The following BAIAP2L2 variants were observed in gnomAD, a reference collection of about 807,000 sequenced individuals.
BAIAP2L2 encodes BAR/IMD domain-containing adapter protein 2-like 2.
Under a neutral mutation model 60.4 loss-of-function variants are expected in BAIAP2L2, and 65 were observed. That is an observed-to-expected ratio of 1.08 (90% CI 0.88 to 1.32). The LOEUF (loss-of-function observed/expected upper bound fraction) is 1.32. BAIAP2L2 is among the 40% of genes most tolerant of loss of function. The pLI, the probability that BAIAP2L2 is intolerant of heterozygous loss-of-function variation, is 0.00. For missense variants in BAIAP2L2, 836 were observed against 741.2 expected (o/e 1.13, Z -1.48); for synonymous variants, 344 against 301.7 (o/e 1.14, Z -1.45).
intron 3 of BAIAP2L2, 44 bp from the exon 4 acceptor site, chr22:38,107,957 G>GCCCCCCCC: frequency 3.2e-6 from 5 of 1,582,154 alleles, no homozygotes; most frequent in Admixed American, 1.7e-5. Context: ...GTGGCAGCCT[G>GCCCCCCCC]CCCCGCCCAC....
intron 6 of BAIAP2L2, 101 bp from the exon 7 acceptor site, chr22:38,097,279 C>T: frequency 7.3e-7 from 1 of 1,362,816 alleles, no homozygotes; most frequent in Non-Finnish European, 1.0e-6. Context: ...TTCTTCCTGA[C>T]TGCCCTCTCC....
chr22:38,107,534 T>G (rs957275773), intron 4 of BAIAP2L2, among the ~76,000 whole-genome samples: 1 of 152,124 alleles, frequency 6.6e-6, no homozygotes, highest in Non-Finnish European at 1.5e-5. Context: ...CCTGGGAGGC[T>G]GCAGTGAGGA....
intron 1 of BAIAP2L2, 118 bp from the exon 2 acceptor site, chr22:38,109,326 C>T: frequency 1.2e-6 from 1 of 803,116 alleles, no homozygotes; most frequent in South Asian, 1.6e-5. Context: ...AGTGAGAAGC[C>T]CCAGACTTTG....
upstream of BAIAP2L2, chr22:38,110,762 G>A: frequency 1.9e-6 from 1 of 534,960 alleles, no homozygotes; most frequent in Non-Finnish European, 3.3e-6. Flanking sequence ...GGCATCCTGT[G>A]CCGGGCAGGC....
intron 4 of BAIAP2L2, among the ~76,000 whole-genome samples, chr22:38,101,040 C>T (rs2086555200): frequency 6.6e-6 from 1 of 152,098 alleles, no homozygotes; most frequent in Admixed American, 6.5e-5. Flanking sequence ...AACATGGTGG[C>T]CACACAGGGC....
intron 4 of BAIAP2L2, among the ~76,000 whole-genome samples, chr22:38,104,738 C>T (rs539500932): frequency 3.3e-5 from 5 of 152,078 alleles, no homozygotes; most frequent in Non-Finnish European, 5.9e-5. Flanking sequence ...CCTCGTGATC[C>T]GCCTGCCTTG....
intron 7 of BAIAP2L2, chr22:38,091,519 A>G (rs132931): frequency 0.35 from 53,345 of 152,016 alleles, 10,513 homozygotes; most frequent in South Asian, 0.49. Flanking sequence ...TACACCTACT[A>G]TGTACCACAA....
Position 38,086,437 on chromosome 22 carries a change from G to C in BAIAP2L2, c.1272C>G (p.Leu424=), listed in dbSNP as rs1267818627. 6.6e-7 allele frequency: 1 copy of C among 1,508,670 alleles called. No homozygotes were observed. Among genetic ancestry groups the C allele is most frequent in the Non-Finnish European group, 8.9e-7 (1 of 1,123,076 alleles). The allele number at this position is 1,508,670 out of a possible 1,614,324, so 93.5% of individuals were successfully genotyped here. A position where few individuals can be genotyped will look rare whatever the true frequency, so the allele number is the denominator to read the frequency against. The change falls in exon 12 of 14, where the codon CTC becomes CTG. Residue 424 remains leucine, a synonymous_variant. Coordinates refer to ENST00000381669, the MANE Select transcript of BAIAP2L2 (RefSeq NM_025045.6). ...GNELPSRSYP[L]RGSHSLDDLL... ...GGTCATCGAGGCTGTGGCTGCCCCG[G>C]AGTGGGTAGGACCTAAGTCCAGAGA...
chr22:38,103,727 G>C (rs1167059187), intron 4 of BAIAP2L2, among the ~76,000 whole-genome samples: 1 of 152,134 alleles, frequency 6.6e-6, no homozygotes, highest in Non-Finnish European at 1.5e-5. Context: ...GCTAGATGCA[G>C]TGTTGCATAC....
At chr22:38,087,604 C>T (rs2086133806) in intron 10 of BAIAP2L2, among the ~76,000 whole-genome samples, 1 of 152,022 alleles carries the variant, frequency 6.6e-6, no homozygotes, top group African/African-American at 2.4e-5. Flanking sequence ...GAAGCAGCCA[C>T]TCCAGCAGCA....
At chr22:38,085,638 C>G in intron 13 of BAIAP2L2, 48 bp downstream of exon 13, 2 of 1,592,978 alleles carry the variant, frequency 1.3e-6, no homozygotes, top group Non-Finnish European at 1.7e-6. Flanking sequence ...TGTGTGCCGC[C>G]GCACCTGCCA....
intron 4 of BAIAP2L2, among the ~76,000 whole-genome samples, chr22:38,099,938 A>G (rs1056152014): frequency 6.6e-6 from 1 of 152,074 alleles, no homozygotes; most frequent in African/African-American, 2.4e-5. Context: ...TACATAATAA[A>G]ATTTCTAAAG....
intron 3 of BAIAP2L2, 50 bp from the exon 4 acceptor site, chr22:38,107,963 C>G (rs1185973152): frequency 1.3e-6 from 2 of 1,577,382 alleles, no homozygotes; most frequent in African/African-American, 2.7e-5. Context: ...GCCTGCCCCG[C>G]CCACCCACCA....
intron 7 of BAIAP2L2, among the ~76,000 whole-genome samples, chr22:38,095,686 A>G (rs1017724697): frequency 6.6e-5 from 10 of 152,134 alleles, no homozygotes; most frequent in African/African-American, 2.4e-4. Context: ...GAAAGCTTTA[A>G]ATCAAGGTCT....
chr22:38,098,020 C>A, intron 6 of BAIAP2L2, 43 bp downstream of exon 6: 2 of 817,896 alleles, frequency 2.4e-6, no homozygotes, highest in Non-Finnish European at 4.0e-6. Context: ...GAGGTCTGCC[C>A]ACCCGCCCTT....
rs750237627 is a variant in BAIAP2L2 at position 38,097,182 on chromosome 22, G to A, written c.466-4C>T. 10 of 1,604,246 alleles carry A rather than the reference G, an allele frequency of 6.2e-6. No homozygotes were observed. In the African/African-American group the frequency reaches 7.2e-5, roughly 11 times the overall value. Reference sequence around the variant, plus strand: ...CGTGCAGCCGGTTCACACTCTCCTGGGGGGGAACGGGAGTTCTGGCTGGGG... The same window carrying A: ...CGTGCAGCCGGTTCACACTCTCCTGAGGGGGAACGGGAGTTCTGGCTGGGG... On this transcript the variant is annotated splice_region_variant and splice_polypyrimidine_tract_variant and intron_variant, in intron 6 of 13. Coordinates refer to ENST00000381669, the MANE Select transcript of BAIAP2L2 (RefSeq NM_025045.6).
At chr22:38,107,367 C>CGG (rs1277994721) in intron 4 of BAIAP2L2, among the ~76,000 whole-genome samples, 1 of 152,044 alleles carries the variant, frequency 6.6e-6, no homozygotes, top group Admixed American at 6.6e-5. Context: ...CCCACTCTTC[C>CGG]GGGGGGCTGG....
chr22:38,089,417 C>G, intron 8 of BAIAP2L2, 105 bp downstream of exon 8: 1 of 654,158 alleles, frequency 1.5e-6, no homozygotes, highest in South Asian at 7.7e-5. Flanking sequence ...CAGCGTAGAG[C>G]GGGAGCCTGG....
At chr22:38,106,644 C>T (rs952190813) in intron 4 of BAIAP2L2, among the ~76,000 whole-genome samples, 4 of 151,884 alleles carry the variant, frequency 2.6e-5, no homozygotes, top group African/African-American at 7.2e-5. Context: ...GGAGGGAGAA[C>T]AATTAGTTAA....
Sources: gnomAD v4.1 joint callset for allele counts (sites outside exome capture counted in the v4.1 genomes callset) on GRCh38, gnomAD v4.1.1 for gene constraint, MANE v1.5 for transcripts, NCBI Gene and HGNC (gene_info 2026-07-23, HGNC 2026-07-21) for gene names.